CCND3: variants seen among roughly 807,000 people sequenced by gnomAD.
CCND3 encodes G1/S-specific cyclin-D3.
Under a neutral mutation model 28.7 loss-of-function variants are expected in CCND3, and 9 were observed. That is an observed-to-expected ratio of 0.31 (90% CI 0.19 to 0.55). CCND3 has a LOEUF of 0.55. Among genes scored for constraint, CCND3 ranks in the 20% least tolerant of loss-of-function variants. The pLI is 0.93. For synonymous variants in CCND3, 164 were observed against 163.9 expected, an observed-to-expected ratio of 1.00 and a Z score of 0.00; for missense variants, 315 against 385.8, an observed-to-expected ratio of 0.82 and a Z score of 1.54.
At chr6:42,047,719 A>T (rs1281787908) in intron 1 of CCND3, among the ~76,000 whole-genome samples, 1 of 152,182 alleles carries the variant, frequency 6.6e-6, no homozygotes, top group Non-Finnish European at 1.5e-5. Flanking sequence ...GGTCGCCCCT[A>T]TATTCCAGTG....
intron 1 of CCND3, among the ~76,000 whole-genome samples, chr6:41,994,491 G>A (rs1762739245): frequency 6.6e-6 from 1 of 152,150 alleles, no homozygotes; most frequent in East Asian, 1.9e-4. Context: ...AACAAACAGA[G>A]CACAGAGGAT....
At chr6:41,977,769 G>A (rs1398967748) in intron 1 of CCND3, among the ~76,000 whole-genome samples, 9 of 152,276 alleles carry the variant, frequency 5.9e-5, no homozygotes, top group East Asian at 1.9e-4. Context: ...CTCCCGAATC[G>A]ACCATGAAGC....
intron 1 of CCND3, among the ~76,000 whole-genome samples, chr6:42,013,206 C>A (rs988755590): frequency 2.6e-5 from 4 of 152,148 alleles, no homozygotes; most frequent in Non-Finnish European, 1.5e-5. Flanking sequence ...CATGATCTCC[C>A]AAGTGCTGGA....
chr6:41,989,004 G>A (rs990942136), intron 1 of CCND3, among the ~76,000 whole-genome samples: 15 of 151,828 alleles, frequency 9.9e-5, no homozygotes, highest in Admixed American at 3.3e-4. Flanking sequence ...CGGCCGATAA[G>A]CTGAACTTCA....
intron 1 of CCND3, among the ~76,000 whole-genome samples, chr6:41,953,465 A>G (rs774382464): frequency 2.0e-5 from 3 of 152,044 alleles, no homozygotes; most frequent in Non-Finnish European, 2.9e-5. Context: ...TGAGTTAAAA[A>G]GCACTAAGTA....
At chr6:42,034,297 G>A (rs972681196) in intron 1 of CCND3, among the ~76,000 whole-genome samples, 6 of 150,878 alleles carry the variant, frequency 4.0e-5, no homozygotes, top group Non-Finnish European at 5.9e-5. Flanking sequence ...ACAGGTGCCC[G>A]CCACCACACC....
chr6:41,981,014 T>C lies in CCND3; in HGVS notation c.-45-40429A>G, dbSNP rs1156681054. 3.3e-5 allele frequency among the ~76,000 whole-genome samples: 5 copies of C among 152,174 alleles called. No individual in the cohort carries two copies. In the East Asian group the frequency reaches 9.7e-4, roughly 29 times the overall value. ...TCACCACTTTCTTTCAGCATTGTAC[T>C]GGAAGTCCTAGCTAATGCAATAAGA... On this transcript the variant is annotated intron_variant, in intron 1 of 4. Transcript: ENST00000372988.
intron 1 of CCND3, among the ~76,000 whole-genome samples, chr6:41,993,491 A>G (rs1445933109): frequency 6.3e-5 from 9 of 142,196 alleles, no homozygotes; most frequent in Admixed American, 6.0e-4. Flanking sequence ...AACTCACTGC[A>G]GCCTCTGCCT....
chr6:42,019,574 T>C (rs1582170022), intron 1 of CCND3, among the ~76,000 whole-genome samples: 3 of 151,658 alleles, frequency 2.0e-5, no homozygotes, highest in Middle Eastern at 7.0e-3. Flanking sequence ...AATGATTGCA[T>C]GTGAACAGTA....
intron 1 of CCND3, among the ~76,000 whole-genome samples, chr6:41,950,683 T>G (rs1776284579): frequency 6.6e-6 from 1 of 151,642 alleles, no homozygotes; most frequent in Non-Finnish European, 1.5e-5. Context: ...TGGACATGGG[T>G]CAGAGATGAG....
In CCND3 at chr6:41,935,995, C is replaced by T. The variant is rs759741362; in HGVS notation, c.824G>A (p.Ser275Asn). ...AGTGCTGGTCTGGCTGGGCCCTTGGCTGCTGGAGCCCCGGGGGGCTTTGGG... is the reference window on the plus strand; with the variant it reads ...AGTGCTGGTCTGGCTGGGCCCTTGGTTGCTGGAGCCCCGGGGGGCTTTGGG... ...PAPKAPRGSS[S>N]QGPSQTSTPT... Residue 275 changes from serine (S) to asparagine (N), a missense_variant, in exon 5 of 5, where the codon AGC becomes AAC. Physicochemically the swap from Ser to Asn is conservative, Grantham distance 46. Transcript: ENST00000372991. The T allele has an allele frequency of 4.3e-6, 7 of 1,613,398 alleles. No homozygotes were observed. The highest frequency in any genetic ancestry group is 1.7e-5 in the Admixed American group (1 of 59,894).
At chr6:41,995,302 G>A (rs1762767685) in intron 1 of CCND3, among the ~76,000 whole-genome samples, 1 of 152,000 alleles carries the variant, frequency 6.6e-6, no homozygotes, top group African/African-American at 2.4e-5. Context: ...CTGTCGCCCA[G>A]GCTGGAGTGC....
intron 1 of CCND3, among the ~76,000 whole-genome samples, chr6:42,028,032 A>C (rs895907396): frequency 6.6e-5 from 10 of 152,204 alleles, no homozygotes; most frequent in Admixed American, 6.5e-4. Flanking sequence ...CAGGCGTGAG[A>C]CACCACGCCC....
At chr6:41,989,457 AAAAAAAAAAC>A (rs1372185020) in intron 1 of CCND3, among the ~76,000 whole-genome samples, 4 of 146,362 alleles carry the variant, frequency 2.7e-5, no homozygotes, top group East Asian at 2.0e-4. Context: ...ACTGTCTCAA[AAAAAAAAAAC>A]AAAAAAAAAA....
At position 41,935,830 on chromosome 6, in the gene CCND3, G is replaced by T. The variant is rs766938960; in HGVS notation, c.*110C>A. 7 of 1,070,370 alleles carry T rather than the reference G, an allele frequency of 6.5e-6. No individual in the cohort carries two copies. The African/African-American group carries it at 9.4e-5, about 14-fold the overall frequency. 66.3% of individuals were successfully genotyped at this position (1,070,370 alleles called of 1,614,324 possible). Reference sequence around the variant, plus strand: ...CAGATCCCTTGGGCTTTGTGAAGGGGGAACAGACGCCCCTTCAGGCTTAGA... The same window carrying T: ...CAGATCCCTTGGGCTTTGTGAAGGGTGAACAGACGCCCCTTCAGGCTTAGA... On this transcript the variant is annotated 3_prime_UTR_variant, in exon 5 of 5. Transcript: ENST00000372991.
intron 1 of CCND3, among the ~76,000 whole-genome samples, chr6:41,952,770 C>A (rs1304121995): frequency 4.6e-5 from 7 of 151,464 alleles, no homozygotes; most frequent in African/African-American, 1.5e-4. Context: ...CGCTCTAAGC[C>A]CAAATAAATA....
At chr6:41,984,261 A>C (rs1762419257) in intron 1 of CCND3, among the ~76,000 whole-genome samples, 1 of 152,208 alleles carries the variant, frequency 6.6e-6, no homozygotes, top group African/African-American at 2.4e-5. Context: ...TAGAGGTACA[A>C]ATATCTCTTG....
At chr6:41,959,460 A>G (rs1031206277) in intron 1 of CCND3, among the ~76,000 whole-genome samples, 19 of 151,680 alleles carry the variant, frequency 1.3e-4, no homozygotes, top group African/African-American at 3.9e-4. Context: ...CAAGGTGGGC[A>G]GATCACAAGG....
At chr6:41,942,872 CTTTTTTTT>C (rs60884050), upstream of CCND3, among the ~76,000 whole-genome samples, 1 of 82,568 alleles carries the variant, frequency 1.2e-5, no homozygotes, top group Non-Finnish European at 2.2e-5. Context: ...GTTAATTATT[CTTTTTTTT>C]TTTTTTTTTT....
Sources: allele counts gnomAD v4.1 joint callset (sites outside exome capture counted in the v4.1 genomes callset), GRCh38; gene constraint gnomAD v4.1.1; transcripts MANE v1.5; gene names NCBI Gene and HGNC (gene_info 2026-07-23, HGNC 2026-07-21).